The following KRT86 variants were observed in gnomAD, a reference collection of about 807,000 sequenced individuals.
KRT86 encodes the protein keratin, type II cuticular Hb6.
Under a neutral mutation model 41.2 loss-of-function variants are expected in KRT86, and 30 were observed. The observed-to-expected ratio is 0.73, with a 90% confidence interval of 0.54 to 0.99. KRT86 has a LOEUF of 0.99. Among genes scored for constraint, KRT86 ranks in the 50% least tolerant of loss-of-function variants. KRT86 has a pLI of 0.00. For missense variants in KRT86, 561 were observed against 571.4 expected (o/e 0.98, Z 0.19); for synonymous variants, 238 against 238.1 (o/e 1.00, Z 0.00).
chr12:52,286,058 A>C, intron 2 of KRT86: 1 of 609,696 alleles, frequency 1.6e-6, no homozygotes, highest in Non-Finnish European at 2.9e-6. Context: ...ACTTCTTTCT[A>C]GGGTGGCCTT....
At chr12:52,274,931 G>T (rs892336056) in intron 1 of KRT86, 1 of 156,634 alleles carries the variant, frequency 6.4e-6, no homozygotes, top group Non-Finnish European at 1.4e-5. Context: ...GGTGTGAACA[G>T]TTCTTGCTCT....
At chr12:52,280,490 T>C (rs977623027) in intron 2 of KRT86, among the ~76,000 whole-genome samples, 1 of 152,226 alleles carries the variant, frequency 6.6e-6, no homozygotes, top group Non-Finnish European at 1.5e-5. Context: ...GCCAGAGGCT[T>C]GGGCTTTACT....
intron 2 of KRT86, chr12:52,279,174 C>A (rs1318323835): frequency 6.6e-6 from 1 of 152,264 alleles, no homozygotes; most frequent in Non-Finnish European, 1.5e-5. Flanking sequence ...CGCTCTGCGG[C>A]TCTCCCGGCT....
At chr12:52,298,346 T>C (rs759935389) in intron 2 of KRT86, among the ~76,000 whole-genome samples, 5 of 152,256 alleles carry the variant, frequency 3.3e-5, no homozygotes, top group African/African-American at 4.8e-5. Context: ...ATTGAGCATT[T>C]TCTATGTGCC....
At chr12:52,307,623 G>C (rs1244185785) in intron 9 of KRT86, among the ~76,000 whole-genome samples, 3 of 152,196 alleles carry the variant, frequency 2.0e-5, no homozygotes, top group African/African-American at 7.2e-5. Context: ...CTGGGCCTCA[G>C]CCTTTCCATC....
At chr12:52,295,341 T>C (rs1938223403) in intron 2 of KRT86, among the ~76,000 whole-genome samples, 1 of 152,182 alleles carries the variant, frequency 6.6e-6, no homozygotes, top group South Asian at 2.1e-4. Flanking sequence ...CACTGAGGTC[T>C]AGGGAGGTTA....
rs371683842 is a variant in KRT86 at position 52,286,449 on chromosome 12, C to T, written c.-5+10503C>T. 89 of 1,552,692 alleles carry T rather than the reference C, an allele frequency of 5.7e-5. 1 individual carries two copies. In the Middle Eastern group the frequency reaches 1.6e-3, roughly 28 times the overall value. ...CCAGTCACTGGCCGGGAGCCTGACACGCAGAGGTCCCCGCACACGACCCCG... is the reference window on the plus strand; with the variant it reads ...CCAGTCACTGGCCGGGAGCCTGACATGCAGAGGTCCCCGCACACGACCCCG... On this transcript the variant is annotated intron_variant, in intron 2 of 10. Transcript: ENST00000423955.
chr12:52,296,599 T>C (rs1374572410), intron 2 of KRT86, among the ~76,000 whole-genome samples: 2 of 152,140 alleles, frequency 1.3e-5, no homozygotes, highest in South Asian at 2.1e-4. Context: ...CTCTGGTGAG[T>C]TCTGATGGAT....
chr12:52,286,509 G>T lies in KRT86; in HGVS notation c.-5+10563G>T, dbSNP rs368288509. ...CTGCTGACACCTGTGAACCCCGAAG[G>T]CTGAGTCAAAATTCTGAAGGGCAAG... On this transcript the variant is annotated intron_variant, in intron 2 of 10. Transcript: ENST00000423955. The T allele has an allele frequency of 7.1e-6, 11 of 1,551,034 alleles. No homozygotes were observed. The East Asian group carries it at 1.2e-4, about 17-fold the overall frequency.
intron 2 of KRT86, chr12:52,288,567 C>T (rs1592425387): frequency 2.3e-6 from 3 of 1,282,786 alleles, no homozygotes; most frequent in East Asian, 4.6e-5. Context: ...CCTGGTGTCC[C>T]ATTCCCATGC....
intron 2 of KRT86, chr12:52,286,939 C>T: frequency 1.3e-6 from 2 of 1,512,820 alleles, no homozygotes; most frequent in South Asian, 2.3e-5. Context: ...TCTGAGGGAA[C>T]AGCTTGCCTC....
At chr12:52,277,028 C>G (rs1485646729) in intron 2 of KRT86, among the ~76,000 whole-genome samples, 2 of 152,136 alleles carry the variant, frequency 1.3e-5, no homozygotes, top group Non-Finnish European at 2.9e-5. Flanking sequence ...GTCAGGGTCC[C>G]ACCAGCCACA....
rs751509447 is a variant in KRT86, at chr12:52,287,055, C to T, written c.-5+11109C>T. On this transcript the variant is annotated intron_variant, in intron 2 of 10. Coordinates refer to ENST00000423955, the MANE Select transcript of KRT86 (RefSeq NM_001320198.2). ...AGCCAAGGCCAAGGGTAGGCTTGTG[C>T]CAGGGATGGGGAAGGGTGGTTCTGG... 2.5e-6 allele frequency: 4 copies of T among 1,612,412 alleles called. No homozygotes were observed. In the East Asian group the frequency reaches 6.7e-5, roughly 27 times the overall value.
At chr12:52,285,654 G>T (rs1325546927) in intron 2 of KRT86, among the ~76,000 whole-genome samples, 1 of 152,204 alleles carries the variant, frequency 6.6e-6, no homozygotes, top group African/African-American at 2.4e-5. Context: ...CTAAGTGGGT[G>T]ACCCTGCCCC....
At chr12:52,286,535 C>G (rs920542238) in intron 2 of KRT86, 7 of 1,538,612 alleles carry the variant, frequency 4.5e-6, no homozygotes, top group African/African-American at 1.4e-5. Flanking sequence ...GAAGGGCAAG[C>G]CATCCTGCCT....
At position 52,288,149 on chromosome 12, in the gene KRT86, C is replaced by T. The variant is rs567295944; in HGVS notation, c.-5+12203C>T. 3 of 1,614,090 alleles carry T rather than the reference C, an allele frequency of 1.9e-6. No homozygotes were observed. In the African/African-American group the frequency reaches 4.0e-5, roughly 22 times the overall value. On this transcript the variant is annotated intron_variant, in intron 2 of 10. Transcript: ENST00000423955. Reference sequence around the variant, plus strand: ...TGTGCGACTGGAGAATGAGGATCTCCTGCAGGAGGTGAGGGCAGTGACTTT... The same window carrying T: ...TGTGCGACTGGAGAATGAGGATCTCTTGCAGGAGGTGAGGGCAGTGACTTT...
rs200353690 is a variant in KRT86 at position 52,306,141 on chromosome 12, G to T, written c.1108G>T (p.Glu370Ter). Reference sequence around the variant, plus strand: ...CAGCGATGCCCGCTGCAAGTTGGCCGAGCTGGAGGGTGCCCTGCAGAAGGC... The same window carrying T: ...CAGCGATGCCCGCTGCAAGTTGGCCTAGCTGGAGGGTGCCCTGCAGAAGGC... ...ALSDARCKLA[E>*]LEGALQKAKQ... The change falls in exon 9 of 11, where the codon GAG becomes TAG. Residue 370 changes from glutamate (E) to a stop codon, truncating the protein, a stop_gained. Coordinates refer to ENST00000423955, the MANE Select transcript of KRT86 (RefSeq NM_001320198.2). LOFTEE classifies it high-confidence loss of function. 1.9e-6 allele frequency: 3 copies of T among 1,613,960 alleles called. No individual in the cohort carries two copies. The highest frequency in any genetic ancestry group is 1.7e-6 in the Non-Finnish European group (2 of 1,180,024).
At chr12:52,286,893 A>G (rs1937960550) in intron 2 of KRT86, 1 of 1,581,544 alleles carries the variant, frequency 6.3e-7, no homozygotes, top group Non-Finnish European at 8.7e-7. Context: ...CCCAGTTCAT[A>G]GGGTAGGGTC....
rs771072990 is a variant in KRT86 at position 52,308,269 on chromosome 12, G to A, written c.1279+5G>A. Reference sequence around the variant, plus strand: ...GCGTCGGCTCGGTGAATGTCTGTAAGTAGTGGGGTCCGTCCCCTCCTCCCG... The same window carrying A: ...GCGTCGGCTCGGTGAATGTCTGTAAATAGTGGGGTCCGTCCCCTCCTCCCG... On this transcript the variant is annotated splice_donor_5th_base_variant and intron_variant, in intron 10 of 10. Coordinates refer to ENST00000423955, the MANE Select transcript of KRT86 (RefSeq NM_001320198.2). 6.2e-7 allele frequency: 1 copy of A among 1,614,184 alleles called. No individual in the cohort carries two copies. Among genetic ancestry groups the A allele is most frequent in the Non-Finnish European group, 8.5e-7 (1 of 1,180,042 alleles).
Sources: allele counts gnomAD v4.1 joint callset (sites outside exome capture counted in the v4.1 genomes callset), GRCh38; gene constraint gnomAD v4.1.1; transcripts MANE v1.5; gene names NCBI Gene and HGNC (gene_info 2026-07-23, HGNC 2026-07-21).